The following RARB variants were observed in gnomAD, a reference collection of about 807,000 sequenced individuals.
The protein encoded by RARB is HBV-activated protein.
Under a neutral mutation model 51.9 loss-of-function variants are expected in RARB, and 17 were observed. The ratio of observed to expected loss-of-function variants is 0.33; its 90% confidence interval spans 0.22 to 0.49. RARB has a LOEUF of 0.49. Ranked by LOEUF, RARB falls within the 20% of genes least tolerant of loss-of-function variation. The probability of loss-of-function intolerance (pLI) is 0.99; values close to 1 mark genes in which losing one functional copy is unlikely to be tolerated. For synonymous variants in RARB, 215 were observed against 195.4 expected (o/e 1.10, Z -0.84); for missense variants, 369 against 550.8 (o/e 0.67, Z 3.30).
intron 2 of RARB, among the ~76,000 whole-genome samples, chr3:24,949,624 A>G (rs1695847577): frequency 6.6e-6 from 1 of 152,238 alleles, no homozygotes; most frequent in African/African-American, 2.4e-5. Flanking sequence ...TTGTATTGAA[A>G]ACAAAATGTG....
chr3:25,506,152 C>G (rs1214088854), intron 3 of RARB, among the ~76,000 whole-genome samples: 1 of 150,306 alleles, frequency 6.7e-6, no homozygotes, highest in East Asian at 2.0e-4. Flanking sequence ...ACTCAGGAGG[C>G]CAAGGCAGGA....
intron 5 of RARB, among the ~76,000 whole-genome samples, chr3:25,254,923 G>A (rs1448330051): frequency 1.3e-5 from 2 of 152,176 alleles, no homozygotes; most frequent in Non-Finnish European, 2.9e-5. Flanking sequence ...GCAGCCAACT[G>A]GTTTTTCCTT....
chr3:25,195,879 T>C (rs1446637480), intron 5 of RARB, among the ~76,000 whole-genome samples: 1 of 152,026 alleles, frequency 6.6e-6, no homozygotes, highest in Non-Finnish European at 1.5e-5. Flanking sequence ...GAAGTATATG[T>C]AATCTGTTAA....
chr3:25,304,882 A>T (rs576560939), intron 5 of RARB, among the ~76,000 whole-genome samples: 29 of 152,298 alleles, frequency 1.9e-4, no homozygotes, highest in South Asian at 4.1e-4. Context: ...TAACAATTCA[A>T]ACTTACTCCA....
intron 2 of RARB, among the ~76,000 whole-genome samples, chr3:24,985,418 A>C (rs148259674): frequency 1.5e-3 from 235 of 151,910 alleles, no homozygotes; most frequent in African/African-American, 5.1e-3. Flanking sequence ...ACTAAACAGA[A>C]TTCTGTGACT....
At chr3:25,376,016 T>G (rs1706449062) in intron 5 of RARB, among the ~76,000 whole-genome samples, 1 of 152,234 alleles carries the variant, frequency 6.6e-6, no homozygotes, top group South Asian at 2.1e-4. Flanking sequence ...GTAAATGAGC[T>G]AATACACGTA....
At chr3:25,141,442 C>T (rs1700105448) in intron 4 of RARB, among the ~76,000 whole-genome samples, 1 of 151,736 alleles carries the variant, frequency 6.6e-6, no homozygotes, top group Non-Finnish European at 1.5e-5. Context: ...CTTTAGGTGG[C>T]CACTGATAGG....
At position 25,130,968 on chromosome 3, in the gene RARB, ATATT is replaced by A. The variant is rs1177107790; in HGVS notation, c.-327-1188_-327-1185del. Reference sequence around the variant, plus strand: ...ATATTTATTATTGATAATATTATCAATATTTATTATTGATAATATTATCAATATT... The same window carrying A: ...ATATTTATTATTGATAATATTATCAATATTATTGATAATATTATCAATATT... On this transcript the variant is annotated intron_variant, in intron 3 of 11. Coordinates refer to the RARB transcript ENST00000383772. Among the ~76,000 whole-genome samples the A allele has an allele frequency of 2.5e-3, 239 of 94,282 alleles. 2 individuals carry two copies. The highest frequency in any genetic ancestry group is 0.015 in the Middle Eastern group (3 of 194). The allele number at this position is 94,282 out of a possible 152,430, so 61.9% of individuals were successfully genotyped here.
At chr3:25,582,844 A>G (rs1193428455) in intron 5 of RARB, among the ~76,000 whole-genome samples, 1 of 152,156 alleles carries the variant, frequency 6.6e-6, no homozygotes. Context: ...CTGTTTACCT[A>G]TGTACAAAAT....
At chr3:25,307,433 G>A (rs1024022038) in intron 5 of RARB, among the ~76,000 whole-genome samples, 3 of 151,876 alleles carry the variant, frequency 2.0e-5, no homozygotes, top group African/African-American at 7.3e-5. Context: ...TCTTGGCATA[G>A]TCTTGATGTG....
At chr3:25,358,588 C>T (rs1022411139) in intron 5 of RARB, among the ~76,000 whole-genome samples, 1 of 152,114 alleles carries the variant, frequency 6.6e-6, no homozygotes, top group Non-Finnish European at 1.5e-5. Context: ...TCCAGGTTTG[C>T]CCATTCAGTA....
intron 5 of RARB, among the ~76,000 whole-genome samples, chr3:25,225,325 G>A (rs1045312895): frequency 1.3e-5 from 2 of 152,076 alleles, no homozygotes; most frequent in African/African-American, 4.8e-5. Flanking sequence ...AGGCATTTTA[G>A]TAAGTTAATA....
chr3:25,102,861 G>A (rs1157034538), intron 3 of RARB, among the ~76,000 whole-genome samples: 1 of 152,100 alleles, frequency 6.6e-6, no homozygotes, highest in Non-Finnish European at 1.5e-5. Context: ...AGGCCAGCCT[G>A]GCCAACATGG....
intron 3 of RARB, among the ~76,000 whole-genome samples, chr3:25,516,411 T>G (rs1258100521): frequency 6.6e-6 from 1 of 152,186 alleles, no homozygotes; most frequent in Non-Finnish European, 1.5e-5. Context: ...AATTAGCTAA[T>G]TATTCTTTTT....
At chr3:24,897,113 G>T (rs906740422) in intron 2 of RARB, among the ~76,000 whole-genome samples, 2 of 152,124 alleles carry the variant, frequency 1.3e-5, no homozygotes, top group Non-Finnish European at 2.9e-5. Context: ...TTAAATAAAC[G>T]TGTAAAGCCA....
At chr3:25,453,214 T>C (rs1403359762) in intron 1 of RARB, among the ~76,000 whole-genome samples, 2 of 151,546 alleles carry the variant, frequency 1.3e-5, no homozygotes, top group African/African-American at 4.9e-5. Context: ...ATTCTGATTC[T>C]GCATTTCTGG....
At chr3:25,544,210 AC>A (rs1699510086) in intron 3 of RARB, among the ~76,000 whole-genome samples, 1 of 152,270 alleles carries the variant, frequency 6.6e-6, no homozygotes, top group African/African-American at 2.4e-5. Flanking sequence ...TGAAAAAAAT[AC>A]ATAAATGCAT....
intron 1 of RARB, among the ~76,000 whole-genome samples, chr3:24,839,336 T>C (rs969338455): frequency 3.9e-5 from 6 of 152,116 alleles, no homozygotes; most frequent in Non-Finnish European, 7.3e-5. Flanking sequence ...TGATTTATAC[T>C]TTTTAGGTTT....
intron 5 of RARB, among the ~76,000 whole-genome samples, chr3:25,265,595 C>T (rs1209167804): frequency 6.6e-6 from 1 of 152,168 alleles, no homozygotes; most frequent in Non-Finnish European, 1.5e-5. Context: ...ACTTCAGCCT[C>T]TTAAGTAGCT....
Sources: gnomAD v4.1 joint callset for allele counts (sites outside exome capture counted in the v4.1 genomes callset) on GRCh38, gnomAD v4.1.1 for gene constraint, MANE v1.5 for transcripts, NCBI Gene and HGNC (gene_info 2026-07-23, HGNC 2026-07-21) for gene names.